USP54: variants seen among roughly 807,000 people sequenced by gnomAD.
USP54 encodes ubiquitin carboxyl-terminal hydrolase 54.
In USP54, 87 loss-of-function variants were observed where a neutral mutation model predicts 170.5. The observed-to-expected ratio is 0.51, with a 90% CI of 0.43 to 0.61. USP54 has a LOEUF of 0.61. USP54 is among the 20% of genes least tolerant of loss of function. The pLI is 0.00. For missense variants in USP54, 1,786 were observed against 2,047.8 expected, an observed-to-expected ratio of 0.87 and a Z score of 2.47; for synonymous variants, 655 against 742.8, an observed-to-expected ratio of 0.88 and a Z score of 1.92.
At chr10:73,551,118 G>A (rs2069228157) in intron 4 of USP54, among the ~76,000 whole-genome samples, 1 of 151,852 alleles carries the variant, frequency 6.6e-6, no homozygotes, top group African/African-American at 2.4e-5. Context: ...AAAATAAATT[G>A]TTTTTCCCAT....
In USP54 at chr10:73,498,666, T is replaced by C; in HGVS notation, c.5018A>G (p.Gln1673Arg). The change falls in exon 24 of 24, where the codon CAG (glutamine) becomes CGG (arginine). Residue 1673 changes from glutamine (Q) to arginine (R), a missense_variant. Gln to Arg is a conservative substitution (Grantham distance 43). Transcript: ENST00000687698. ...FVLSDAPRRE[Q>R]IRARVLQHSQ... ...GTGCTGCAGGACTCTAGCCCTGATC[T>C]GCTCTCTTCTGGGAGCATCTGATAG... is the stretch of plus-strand genomic sequence containing the variant. 6.3e-7 allele frequency: 1 copy of C among 1,579,160 alleles called. No homozygotes were observed. The highest frequency in any genetic ancestry group is 1.2e-5 in the South Asian group (1 of 85,878).
intron 20 of USP54, 29 bp downstream of exon 20, chr10:73,516,346 C>A (rs113407596): frequency 1.3e-6 from 2 of 1,578,000 alleles, no homozygotes; most frequent in Non-Finnish European, 1.7e-6. Context: ...ATCCTCCCCC[C>A]TCCCCCCAAC....
intron 1 of USP54, among the ~76,000 whole-genome samples, chr10:73,588,467 G>A (rs1477237688): frequency 2.6e-5 from 4 of 152,092 alleles, no homozygotes; most frequent in East Asian, 3.9e-4. Flanking sequence ...CAAGCGATCC[G>A]CCCACCTCAG....
At chr10:73,592,307 T>C (rs1350634159), upstream of USP54, among the ~76,000 whole-genome samples, 1 of 152,086 alleles carries the variant, frequency 6.6e-6, no homozygotes, top group Admixed American at 6.6e-5. Flanking sequence ...TGTGTTTCTA[T>C]AGGTTGAGAG....
intron 15 of USP54, 57 bp downstream of exon 15, chr10:73,529,623 G>C: frequency 2.5e-6 from 4 of 1,595,904 alleles, no homozygotes; most frequent in Non-Finnish European, 3.4e-6. Context: ...AAAGCCCCAA[G>C]TAGGTGGCTC....
chr10:73,583,733 A>G lies in USP54; in HGVS notation c.-581-7372T>C, dbSNP rs1589298486. Among the ~76,000 whole-genome samples the G allele has an allele frequency of 2.0e-5, 3 of 152,064 alleles. No homozygotes were observed. The East Asian group carries it at 5.8e-4, about 29-fold the overall frequency. ...CACTGCACTCCAGCCAGGGTGACAA[A>G]GCAAGACCCTGTCTTTAAAAATAAA... On this transcript the variant is annotated intron_variant, in intron 1 of 23. Transcript: ENST00000687698.
intron 1 of USP54, among the ~76,000 whole-genome samples, chr10:73,598,606 ATC>A (rs2078922062): frequency 6.6e-6 from 1 of 151,718 alleles, no homozygotes; most frequent in Non-Finnish European, 1.5e-5. Flanking sequence ...GTGAAACCCA[ATC>A]TCTACTAAAA....
chr10:73,534,375 T>C (rs2064773728), intron 12 of USP54, among the ~76,000 whole-genome samples: 2 of 150,968 alleles, frequency 1.3e-5, no homozygotes, highest in Admixed American at 1.3e-4. Context: ...CCCAACTAAT[T>C]TTTTTTTTGT....
At chr10:73,570,938 G>A (rs1053215072) in intron 4 of USP54, among the ~76,000 whole-genome samples, 8 of 152,004 alleles carry the variant, frequency 5.3e-5, no homozygotes, top group Non-Finnish European at 1.2e-4. Context: ...AGGAGTTTGA[G>A]ACCAGCCTGG....
chr10:73,530,610 C>CT, intron 13 of USP54, 87 bp from the exon 14 acceptor site: 1 of 1,574,870 alleles, frequency 6.3e-7, no homozygotes, highest in Admixed American at 1.9e-5. Flanking sequence ...AAGAAAAGCC[C>CT]TCTGAACAGA....
chr10:73,585,390 TCTG>T (rs2077358993), intron 1 of USP54, among the ~76,000 whole-genome samples: 1 of 152,206 alleles, frequency 6.6e-6, no homozygotes, highest in African/African-American at 2.4e-5. Context: ...GGCACCAGCA[TCTG>T]CTCAGCTTCT....
intron 4 of USP54, 70 bp downstream of exon 4, chr10:73,571,351 C>T (rs1349941084): frequency 3.7e-6 from 5 of 1,347,360 alleles, no homozygotes; most frequent in East Asian, 2.3e-5. Flanking sequence ...TCCTGATTAA[C>T]CAAACCACCT....
Position 73,560,663 on chromosome 10 carries a change from C to CAAA in USP54, c.240+10755_240+10757dup, listed in dbSNP as rs751168962. Among the ~76,000 whole-genome samples the CAAA allele has an allele frequency of 1.0e-3, 17 of 16,468 alleles. 3 individuals are homozygous for CAAA. The highest frequency in any genetic ancestry group is 3.5e-3 in the African/African-American group (16 of 4,530). The allele number at this position is 16,468 out of a possible 152,430, so 10.8% of individuals were successfully genotyped here. ...TGGGTGACAGTGCAAAACTCCGTCT[C>CAAA]AAAAAAAAAAAAAAAAAAAAAAAAA... On this transcript the variant is annotated intron_variant, in intron 4 of 23. Transcript: ENST00000687698.
At chr10:73,594,004 T>C (rs1408787446), upstream of USP54, among the ~76,000 whole-genome samples, 2 of 152,152 alleles carry the variant, frequency 1.3e-5, no homozygotes, top group African/African-American at 2.4e-5. Context: ...CTAATGATAA[T>C]GCTGATGTCG....
upstream of USP54, among the ~76,000 whole-genome samples, chr10:73,595,991 A>G (rs1188328812): frequency 2.6e-5 from 4 of 151,938 alleles, no homozygotes; most frequent in African/African-American, 7.3e-5. Context: ...TGTGCCTGTA[A>G]TCCCAGCTAC....
intron 22 of USP54, among the ~76,000 whole-genome samples, chr10:73,502,037 C>T (rs1342952521): frequency 1.3e-5 from 2 of 152,036 alleles, no homozygotes; most frequent in Non-Finnish European, 2.9e-5. Flanking sequence ...TTGTCTTCTC[C>T]CCTATTTCTT....
intron 4 of USP54, among the ~76,000 whole-genome samples, chr10:73,547,227 C>A (rs574526470): frequency 6.6e-6 from 1 of 152,250 alleles, no homozygotes; most frequent in South Asian, 2.1e-4. Context: ...CATGGTGAAA[C>A]CCCGTCTCTA....
intron 4 of USP54, among the ~76,000 whole-genome samples, chr10:73,567,304 T>C (rs2074075090): frequency 6.6e-6 from 1 of 152,244 alleles, no homozygotes; most frequent in East Asian, 1.9e-4. Context: ...GATTTATTCA[T>C]ATTTACTGCA....
At chr10:73,576,546 A>G (rs1648650574) in intron 1 of USP54, among the ~76,000 whole-genome samples, 185 bp from the exon 2 acceptor site, 1 of 151,388 alleles carries the variant, frequency 6.6e-6, no homozygotes, top group Non-Finnish European at 1.5e-5. Context: ...ACTAAAGAGA[A>G]GGAAAAAAAG....
Sources: allele counts gnomAD v4.1 joint callset (sites outside exome capture counted in the v4.1 genomes callset), GRCh38; gene constraint gnomAD v4.1.1; transcripts MANE v1.5; gene names NCBI Gene and HGNC (gene_info 2026-07-23, HGNC 2026-07-21).